Variants in MYL2 observed in about 807,000 individuals in gnomAD.
The protein encoded by MYL2 is myosin regulatory light chain 2, ventricular/cardiac muscle isoform.
In MYL2, 19 loss-of-function variants were observed where a neutral mutation model predicts 23.0. The observed-to-expected ratio is 0.83, with a 90% CI of 0.58 to 1.21. The LOEUF (loss-of-function observed/expected upper bound fraction) is 1.21, where lower values mean the gene tolerates loss of function less well. Ranked by LOEUF, MYL2 falls within the 50% of genes most tolerant of loss-of-function variation. The pLI is 0.00. For synonymous variants in MYL2, 78 were observed against 76.2 expected (o/e 1.02, Z -0.13); for missense variants, 180 against 215.1 (o/e 0.84, Z 1.02).
rs1317472220 is a variant in MYL2 at position 110,913,296 on chromosome 12, G to A, written c.303C>T (p.Asn101=). 10 of 1,614,054 alleles carry A rather than the reference G, an allele frequency of 6.2e-6. No homozygotes were observed. The highest frequency in any genetic ancestry group is 2.2e-5 in the South Asian group (2 of 91,094). ...KGADPEETIL[N]AFKVFDPEGK... ...CTTCAGGGTCAAACACTTTGAATGC[G>A]TTGAGAATGGTTTCCTCAGGGTCCG... The change falls in exon 5 of 7, where the codon AAC becomes AAT. Residue 101 remains asparagine, a synonymous_variant. Transcript: ENST00000228841.
intron 6 of MYL2, among the ~76,000 whole-genome samples, chr12:110,911,403 G>T (rs999715595): frequency 1.3e-5 from 2 of 152,192 alleles, no homozygotes; most frequent in African/African-American, 4.8e-5. Flanking sequence ...TGGGATTGGT[G>T]TGGGGGTATA....
chr12:110,916,491 TA>T lies in MYL2; in HGVS notation c.94-702del, dbSNP rs910244593. Among the ~76,000 whole-genome samples the T allele has an allele frequency of 3.9e-5, 6 of 152,080 alleles. No individual in the cohort carries two copies. In the South Asian group the frequency reaches 1.2e-3, roughly 32 times the overall value. Reference sequence around the variant, plus strand: ...CATACAATGGAATATTATTCAGCCATAAAAAGGAGGGAAATTCCTACAAAGG... The same window carrying T: ...CATACAATGGAATATTATTCAGCCATAAAAGGAGGGAAATTCCTACAAAGG... On this transcript the variant is annotated intron_variant, in intron 2 of 6. Coordinates refer to ENST00000228841, the MANE Select transcript of MYL2 (RefSeq NM_000432.4).
chr12:110,912,990 C>CT (rs1263242174), intron 6 of MYL2, 106 bp downstream of exon 6: 4 of 1,228,594 alleles, frequency 3.3e-6, no homozygotes, highest in Non-Finnish European at 4.8e-6. Flanking sequence ...AGCTGGTTCT[C>CT]TGTCAGTGTG....
chr12:110,915,257 G>A (rs1368130190), intron 3 of MYL2, among the ~76,000 whole-genome samples: 1 of 152,140 alleles, frequency 6.6e-6, no homozygotes, highest in Admixed American at 6.5e-5. Context: ...GAAACTCCAT[G>A]TACTCATGCT....
rs142567411 is a variant in MYL2 at position 110,914,159 on chromosome 12, G to GACACAC, written c.274+21_274+26dup. On this transcript the variant is annotated intron_variant, in intron 4 of 6. Transcript: ENST00000228841. ...GAAGAAACATAGACACATACACACAGACACACACACACACACACGACCTTA... is the reference window on the plus strand; with the variant it reads ...GAAGAAACATAGACACATACACACAGACACACACACACACACACACACACGACCTTA... The GACACAC allele has an allele frequency of 5.8e-6, 8 of 1,376,890 alleles. No individual in the cohort carries two copies. The African/African-American group carries it at 8.6e-5, about 15-fold the overall frequency. The allele number at this position is 1,376,890 out of a possible 1,614,324, so 85.3% of individuals were successfully genotyped here.
chr12:110,913,958 T>C (rs927167024), intron 4 of MYL2, among the ~76,000 whole-genome samples: 10 of 152,138 alleles, frequency 6.6e-5, no homozygotes, highest in African/African-American at 2.4e-4. Flanking sequence ...GGTTTCACCA[T>C]GTTGGCCAGG....
At chr12:110,913,199 A>G (rs768327190) in intron 5 of MYL2, 47 bp downstream of exon 5, 53 of 1,593,348 alleles carry the variant, frequency 3.3e-5, no homozygotes, top group Non-Finnish European at 3.7e-5. Flanking sequence ...TAGGGGGGAC[A>G]GGGGGCAAGC....
At chr12:110,911,778 C>CA (rs1270708181) in intron 6 of MYL2, among the ~76,000 whole-genome samples, 1 of 152,250 alleles carries the variant, frequency 6.6e-6, no homozygotes, top group Non-Finnish European at 1.5e-5. Flanking sequence ...GAAGTGACCA[C>CA]AGGGTCCAGG....
rs1433279087 is a variant in MYL2 at position 110,915,729 on chromosome 12, G to T, written c.155C>A (p.Thr52Asn). 1.2e-5 allele frequency: 20 copies of T among 1,614,036 alleles called. No individual in the cohort carries two copies. The Admixed American group carries it at 2.8e-4, about 23-fold the overall frequency. Residue 52 changes from threonine to asparagine, a missense_variant, in exon 3 of 7, where the codon ACC (threonine) becomes AAC (asparagine). Physicochemically the swap from Thr to Asn is moderately conservative, Grantham distance 65. Transcript: ENST00000228841. ...GGGTGACATACCAAGGGCAGCAAAG[G>T]TGTCTCTCAGATCGTTCTTGTCAAT... ...GFIDKNDLRD[T>N]FAALGRVNVK... is the part of the protein sequence containing the mutation.
In MYL2 at chr12:110,919,145, A is replaced by G. The variant is rs104894370; in HGVS notation, c.52T>C (p.Phe18Leu). 1.2e-6 allele frequency: 2 copies of G among 1,613,848 alleles called. No individual in the cohort carries two copies. The highest frequency in any genetic ancestry group is 1.7e-6 in the Non-Finnish European group (2 of 1,180,010). The stretch of plus-strand genomic sequence containing the variant: ...ATTTGGGTCTGTTCGAACATGGAGA[A>G]CACGTTGGAGTTGGCGCCCCCGGCT... ...KRAGGANSNV[F>L]SMFEQTQIQE... The change falls in exon 2 of 7, where the codon TTC becomes CTC. Residue 18 changes from phenylalanine to leucine, a missense_variant. Physicochemically the swap from Phe to Leu is conservative, Grantham distance 22. Transcript: ENST00000228841.
rs1555257777 is a variant in MYL2 at position 110,913,310 on chromosome 12, C to A, written c.289G>T (p.Glu97Ter). 1 of 1,614,204 alleles carries A rather than the reference C, an allele frequency of 6.2e-7. No homozygotes were observed. The highest frequency in any genetic ancestry group is 1.1e-5 in the South Asian group (1 of 91,086). The change falls in exon 5 of 7, where the codon GAA (glutamate) becomes TAA (stop). Residue 97 changes from glutamate (E) to a stop codon, truncating the protein, a stop_gained. Coordinates refer to ENST00000228841, the MANE Select transcript of MYL2 (RefSeq NM_000432.4). LOFTEE classifies it high-confidence loss of function. Reference sequence around the variant, plus strand: ...ACTTTGAATGCGTTGAGAATGGTTTCCTCAGGGTCCGCTCCTGAAACGGAA... The same window carrying A: ...ACTTTGAATGCGTTGAGAATGGTTTACTCAGGGTCCGCTCCTGAAACGGAA... Reference protein sequence around the residue: ...GEKLKGADPEETILNAFKVFD... With the variant: ...GEKLKGADPE
At position 110,913,117 on chromosome 12, in the gene MYL2, C is replaced by A; in HGVS notation, c.381G>T (p.Ala127=). Residue 127 remains alanine, a synonymous_variant, in exon 6 of 7, where the codon GCG becomes GCT. Coordinates refer to ENST00000228841, the MANE Select transcript of MYL2 (RefSeq NM_000432.4). The stretch of plus-strand genomic sequence containing the variant: ...TTACCTCCTCCTTGGAAAACCTCTC[C>A]GCCTGCGTGGTCAGCATTTCCCGAA... ...DYVREMLTTQ[A]ERFSKEEVDQ... 1 of 1,614,156 alleles carries A rather than the reference C, an allele frequency of 6.2e-7. No individual in the cohort carries two copies. The highest frequency in any genetic ancestry group is 8.5e-7 in the Non-Finnish European group (1 of 1,180,026).
upstream of MYL2, chr12:110,920,868 A>G: frequency 2.1e-6 from 1 of 479,368 alleles, no homozygotes; most frequent in Non-Finnish European, 3.8e-6. Flanking sequence ...TTTGAGAAAA[A>G]AAATGGCAGG....
Position 110,914,253 on chromosome 12 carries a change from C to T in MYL2, c.207G>A (p.Met69Ile), listed in dbSNP as rs866041854. 6.2e-7 allele frequency: 1 copy of T among 1,613,928 alleles called. No homozygotes were observed. Among genetic ancestry groups the T allele is most frequent in the Non-Finnish European group, 8.5e-7 (1 of 1,180,020 alleles). The change falls in exon 4 of 7, where the codon ATG becomes ATA. Residue 69 changes from methionine to isoleucine, a missense_variant. Coordinates refer to ENST00000228841, the MANE Select transcript of MYL2 (RefSeq NM_000432.4). ...TAATTGGACCCGGAGCCTCCTTGAT[C>T]ATTTCATCAATTTCTTCATTTTTCA... ...VNVKNEEIDE[M>I]IKEAPGPINF...
At chr12:110,919,247 A>G in intron 1 of MYL2, 54 bp from the exon 2 acceptor site, 2 of 1,486,596 alleles carry the variant, frequency 1.3e-6, no homozygotes, top group South Asian at 2.3e-5. Context: ...TCAAAAAACT[A>G]GGTCAGGCCC....
rs544465046 is a variant in MYL2 at position 110,913,845 on chromosome 12, C to G, written c.274+341G>C. Among the ~76,000 whole-genome samples the G allele has an allele frequency of 2.6e-3, 400 of 152,252 alleles. 1 individual carries two copies. Among genetic ancestry groups the G allele is most frequent in the African/African-American group, 9.1e-3 (376 of 41,520 alleles). Reference sequence around the variant, plus strand: ...TCAGCTCACTGCAACCTCTGACATCCCGGTTCAAGGGATTCTCCCGCCTCA... The same window carrying G: ...TCAGCTCACTGCAACCTCTGACATCGCGGTTCAAGGGATTCTCCCGCCTCA... On this transcript the variant is annotated intron_variant, in intron 4 of 6. Transcript: ENST00000228841.
upstream of MYL2, among the ~76,000 whole-genome samples, chr12:110,920,947 G>A (rs2233256): frequency 7.3e-3 from 1,108 of 152,346 alleles, 34 homozygotes; most frequent in Admixed American, 0.051. Flanking sequence ...GCACCTGTGT[G>A]CCCTCTACCT....
upstream of MYL2, among the ~76,000 whole-genome samples, chr12:110,920,999 C>T (rs1299540007): frequency 6.6e-6 from 1 of 152,240 alleles, no homozygotes; most frequent in East Asian, 1.9e-4. Context: ...CCTTCCTTCA[C>T]CTCCTTCACT....
upstream of MYL2, chr12:110,920,683 C>A (rs879470576): frequency 2.0e-5 from 21 of 1,060,492 alleles, no homozygotes; most frequent in South Asian, 9.1e-5. Flanking sequence ...CACCTAAGGC[C>A]CCCCCACCCC....
Sources: allele counts gnomAD v4.1 joint callset (sites outside exome capture counted in the v4.1 genomes callset), GRCh38; gene constraint gnomAD v4.1.1; transcripts MANE v1.5; gene names NCBI Gene and HGNC (gene_info 2026-07-23, HGNC 2026-07-21).